MAST4: variants seen among roughly 807,000 people sequenced by gnomAD.
MAST4 encodes microtubule associated serine/threonine kinase family member 4, also known as microtubule-associated serine/threonine-protein kinase 4.
In MAST4, 89 loss-of-function variants were observed where a neutral mutation model predicts 162.7. That is an observed-to-expected ratio of 0.55 (90% CI 0.46 to 0.65). MAST4 has a LOEUF of 0.65. Among genes scored for constraint, MAST4 ranks in the 30% least tolerant of loss-of-function variants. The pLI is 0.00. For synonymous variants in MAST4, 1,479 were observed against 1,361.1 expected (o/e 1.09, Z -1.91); for missense variants, 3,153 against 3,374.0 (o/e 0.93, Z 1.62).
rs755939508 is a variant in MAST4, at chr5:67,121,096, C to G, written c.1739C>G (p.Ala580Gly). 4 of 1,601,988 alleles carry G rather than the reference C, an allele frequency of 2.5e-6. No homozygotes were observed. In the Admixed American group the frequency reaches 6.8e-5, roughly 27 times the overall value. The change falls in exon 14 of 29, where the codon GCC (alanine) becomes GGC (glycine). Residue 580 changes from alanine (A) to glycine (G), a missense_variant. Around this residue, in one of 7 missense-constraint regions of MAST4, gnomAD observed 360 missense variants for 450.0 expected, o/e 0.80. Coordinates refer to ENST00000403625, the MANE Select transcript of MAST4 (RefSeq NM_001164664.2). The part of the protein sequence containing the change: ...FETIKLISNG[A>G]YGAVYFVRHK... ...ACGATTAAATTGATTAGCAATGGAG[C>G]CTATGGGTGAGTAATTCAAGAAAAG...
chr5:66,939,934 G>A (rs1475564029), intron 4 of MAST4, among the ~76,000 whole-genome samples: 1 of 152,090 alleles, frequency 6.6e-6, no homozygotes, highest in Non-Finnish European at 1.5e-5. Flanking sequence ...GGCTGTGGTG[G>A]CTCATACCTG....
chr5:67,026,415 T>G (rs1401268772), intron 4 of MAST4, among the ~76,000 whole-genome samples: 1 of 152,224 alleles, frequency 6.6e-6, no homozygotes, highest in East Asian at 1.9e-4. Flanking sequence ...TGTGTTAATT[T>G]GGGTACAGAC....
chr5:66,920,244 A>T (rs1297165111), intron 4 of MAST4, among the ~76,000 whole-genome samples: 1 of 152,134 alleles, frequency 6.6e-6, no homozygotes, highest in East Asian at 1.9e-4. Context: ...AATAAGCTGC[A>T]TTTTGGTCAA....
intron 2 of MAST4, among the ~76,000 whole-genome samples, chr5:66,775,050 C>T (rs144531886): frequency 0.015 from 2,195 of 150,286 alleles, 22 homozygotes; most frequent in Middle Eastern, 0.024. Context: ...TGTGTGTTTT[C>T]CCCCTGTAGC....
chr5:66,641,039 A>T (rs764751577), intron 1 of MAST4, among the ~76,000 whole-genome samples: 2 of 152,136 alleles, frequency 1.3e-5, no homozygotes, highest in Non-Finnish European at 2.9e-5. Context: ...TCCTTCGCCC[A>T]TTGTTAAATT....
At position 66,946,726 on chromosome 5, in the gene MAST4, G is replaced by A. The variant is rs370949911; in HGVS notation, c.674+46744G>A. The stretch of plus-strand genomic sequence containing the variant: ...TATTTCATGGAAGTTTGTTTTTCAC[G>A]TAATGCTAAAAGTTCAGTCTAAATT... On this transcript the variant is annotated intron_variant, in intron 4 of 28. Transcript: ENST00000403625. 9.2e-5 allele frequency among the ~76,000 whole-genome samples: 14 copies of A among 152,174 alleles called. No individual in the cohort carries two copies. The East Asian group carries it at 9.6e-4, about 10-fold the overall frequency.
intron 23 of MAST4, 131 bp downstream of exon 23, chr5:67,145,510 C>A: frequency 2.9e-6 from 2 of 698,014 alleles, no homozygotes; most frequent in Non-Finnish European, 4.8e-6. Context: ...TCCATGGCCT[C>A]AGTCCTTAGG....
At chr5:67,080,342 TA>T (rs1762454554) in intron 5 of MAST4, among the ~76,000 whole-genome samples, 1 of 152,134 alleles carries the variant, frequency 6.6e-6, no homozygotes, top group Admixed American at 6.5e-5. Flanking sequence ...TTTAAGAGAA[TA>T]ATCACAACTT....
chr5:66,669,298 G>C (rs1747463029), intron 1 of MAST4, among the ~76,000 whole-genome samples: 1 of 152,302 alleles, frequency 6.6e-6, no homozygotes, highest in Admixed American at 6.5e-5. Flanking sequence ...CTTCTACAGA[G>C]TGGGCGCTCC....
At chr5:66,923,347 G>A (rs886898331) in intron 4 of MAST4, among the ~76,000 whole-genome samples, 5 of 152,166 alleles carry the variant, frequency 3.3e-5, no homozygotes, top group African/African-American at 7.2e-5. Flanking sequence ...CTTGGGATAC[G>A]TTAATATTGG....
intron 4 of MAST4, among the ~76,000 whole-genome samples, chr5:67,018,454 G>A (rs1047823320): frequency 3.3e-5 from 5 of 152,124 alleles, no homozygotes; most frequent in Non-Finnish European, 5.9e-5. Flanking sequence ...GGTCGCAGCT[G>A]CAGTGAGCAA....
intron 1 of MAST4, among the ~76,000 whole-genome samples, chr5:66,603,334 A>G (rs1396523741): frequency 6.6e-6 from 1 of 152,196 alleles, no homozygotes; most frequent in Non-Finnish European, 1.5e-5. Flanking sequence ...GTTATTAAAT[A>G]ATATCCTGCA....
intron 4 of MAST4, among the ~76,000 whole-genome samples, chr5:66,938,954 A>G (rs1561462308): frequency 6.6e-6 from 1 of 152,314 alleles, no homozygotes; most frequent in South Asian, 2.1e-4. Context: ...GTTTTTTAGT[A>G]TAATACCTGA....
In MAST4 at chr5:67,163,407, G is replaced by A; in HGVS notation, c.4228G>A (p.Ala1410Thr). Reference sequence around the variant, plus strand: ...ACACTCACTGGGCAATTCCAAGATCGCGCAAGCCTTTCCCAGCAAGATGCA... The same window carrying A: ...ACACTCACTGGGCAATTCCAAGATCACGCAAGCCTTTCCCAGCAAGATGCA... ...LGHSLGNSKI[A>T]QAFPSKMHSP... Residue 1410 changes from alanine (A) to threonine (T), a missense_variant, in exon 29 of 29, where the codon GCG becomes ACG. By Grantham distance (58) the Ala-to-Thr change is moderately conservative. Transcript: ENST00000403625. The surrounding 1 kb of genome is among the most constrained non-coding windows in gnomAD (Gnocchi z 7.0). 1 of 1,612,616 alleles carries A rather than the reference G, an allele frequency of 6.2e-7. No individual in the cohort carries two copies. The highest frequency in any genetic ancestry group is 8.5e-7 in the Non-Finnish European group (1 of 1,179,864).
chr5:66,875,042 A>G (rs943237207), intron 3 of MAST4, among the ~76,000 whole-genome samples: 8 of 152,224 alleles, frequency 5.3e-5, no homozygotes, highest in Non-Finnish European at 1.2e-4. Context: ...GTTGATTTTT[A>G]AGCACTAAGG....
intron 4 of MAST4, among the ~76,000 whole-genome samples, chr5:66,921,511 C>T (rs1764533833): frequency 6.6e-6 from 1 of 152,176 alleles, no homozygotes; most frequent in Non-Finnish European, 1.5e-5. Context: ...AATCCCAGCA[C>T]TTTGGAAGGC....
chr5:66,846,300 T>C (rs1758850394), intron 3 of MAST4, among the ~76,000 whole-genome samples: 1 of 152,078 alleles, frequency 6.6e-6, no homozygotes, highest in South Asian at 2.1e-4. Context: ...CAGAGATGGG[T>C]GTGGTTAGGG....
chr5:66,829,254 C>A (rs1249543877), intron 3 of MAST4, among the ~76,000 whole-genome samples: 1 of 151,968 alleles, frequency 6.6e-6, no homozygotes, highest in Non-Finnish European at 1.5e-5. Context: ...GAACGCAGGA[C>A]TCAGTTTTGT....
chr5:66,655,168 G>T (rs2149452663), intron 1 of MAST4, among the ~76,000 whole-genome samples: 1 of 152,262 alleles, frequency 6.6e-6, no homozygotes, highest in Admixed American at 6.5e-5. Flanking sequence ...GGGAGTCTTA[G>T]AACTTTGGTG....
Sources: allele counts gnomAD v4.1 joint callset (sites outside exome capture counted in the v4.1 genomes callset), GRCh38; gene constraint gnomAD v4.1.1; regional missense constraint gnomAD v4.1.1; non-coding constraint Gnocchi (gnomAD v3.1); transcripts MANE v1.5; gene names NCBI Gene and HGNC (gene_info 2026-07-23, HGNC 2026-07-21).